APBA1: variants seen among roughly 807,000 people sequenced by gnomAD.
APBA1 encodes amyloid beta precursor protein binding family A member 1.
A neutral mutation model predicts 86.6 loss-of-function variants in APBA1; 55 were observed. The observed-to-expected ratio is 0.64, with a 90% CI of 0.51 to 0.80. The LOEUF is 0.80. Among genes scored for constraint, APBA1 ranks in the 30% least tolerant of loss-of-function variants. The pLI, the probability that APBA1 is intolerant of heterozygous loss-of-function variation, is 0.00. For synonymous variants in APBA1, 511 were observed against 493.9 expected, an observed-to-expected ratio of 1.03 and a Z score of -0.46; for missense variants, 1,090 against 1,183.0, an observed-to-expected ratio of 0.92 and a Z score of 1.15.
chr9:69,573,039 A>T (rs1837141332), intron 1 of APBA1, among the ~76,000 whole-genome samples: 1 of 151,172 alleles, frequency 6.6e-6, no homozygotes, highest in South Asian at 2.1e-4. Context: ...GTGCACCTGT[A>T]CTCCCAGCTG....
intron 2 of APBA1, among the ~76,000 whole-genome samples, chr9:69,484,029 G>A (rs961331065): frequency 7.2e-5 from 11 of 152,008 alleles, no homozygotes; most frequent in African/African-American, 1.7e-4. Flanking sequence ...GGATATGTAC[G>A]ATTCTATTTT....
In APBA1 at chr9:69,586,283, G is replaced by T. The variant is rs115774638; in HGVS notation, c.-69-69004C>A. Among the ~76,000 whole-genome samples the T allele has an allele frequency of 7.1e-3, 1,075 of 152,282 alleles. 13 individuals are homozygous for T. The highest frequency in any genetic ancestry group is 0.025 in the African/African-American group (1,020 of 41,548). On this transcript the variant is annotated intron_variant, in intron 1 of 12. Transcript: ENST00000265381. The stretch of plus-strand genomic sequence containing the variant: ...CCCCTTACTGTATACAAGCAGCTCA[G>T]AATCAGATCTCCCTATATTATGCTG...
At chr9:69,662,025 C>G in intron 1 of APBA1, among the ~76,000 whole-genome samples, 1 of 33,414 alleles carries the variant, frequency 3.0e-5, no homozygotes, top group Non-Finnish European at 7.1e-5. Context: ...AACAGTAACA[C>G]ACACACACAC....
At chr9:69,657,547 T>G (rs1823636591) in intron 1 of APBA1, among the ~76,000 whole-genome samples, 1 of 152,244 alleles carries the variant, frequency 6.6e-6, no homozygotes, top group Non-Finnish European at 1.5e-5. Flanking sequence ...CATTAGCCAC[T>G]GGCTGACATT....
At chr9:69,655,079 G>A (rs1347816327) in intron 1 of APBA1, among the ~76,000 whole-genome samples, 1 of 152,140 alleles carries the variant, frequency 6.6e-6, no homozygotes, top group Non-Finnish European at 1.5e-5. Context: ...CAAAGGCCAC[G>A]TATGACAAAC....
At chr9:69,499,726 T>A (rs1388159963) in intron 2 of APBA1, among the ~76,000 whole-genome samples, 1 of 149,774 alleles carries the variant, frequency 6.7e-6, no homozygotes, top group Non-Finnish European at 1.5e-5. Context: ...GAGGGTAACA[T>A]CAAGGCAATC....
chr9:69,496,365 A>G (rs1322226024), intron 2 of APBA1, among the ~76,000 whole-genome samples: 2 of 152,126 alleles, frequency 1.3e-5, no homozygotes, highest in Non-Finnish European at 2.9e-5. Flanking sequence ...CTGATTGGCT[A>G]ATGTGCTATG....
intron 10 of APBA1, among the ~76,000 whole-genome samples, chr9:69,444,856 G>A (rs1399591488): frequency 2.0e-5 from 3 of 152,164 alleles, no homozygotes; most frequent in Non-Finnish European, 4.4e-5. Flanking sequence ...CACCCTCTCC[G>A]GGGCTGGATA....
chr9:69,627,411 TG>T (rs1004953925), intron 1 of APBA1, among the ~76,000 whole-genome samples: 1 of 152,118 alleles, frequency 6.6e-6, no homozygotes, highest in Admixed American at 6.5e-5. Flanking sequence ...CTGGCTTGCA[TG>T]GGAAGGCAGA....
chr9:69,475,924 A>T, intron 3 of APBA1, 124 bp downstream of exon 3: 1 of 767,028 alleles, frequency 1.3e-6, no homozygotes, highest in Non-Finnish European at 2.3e-6. Context: ...AGGAGAAATC[A>T]GGATTGTTCT....
At chr9:69,467,503 C>T (rs942534070) in intron 5 of APBA1, among the ~76,000 whole-genome samples, 2 of 152,206 alleles carry the variant, frequency 1.3e-5, no homozygotes, top group African/African-American at 4.8e-5. Context: ...TCCAGTGGTA[C>T]ATGTCTTGCA....
chr9:69,567,720 G>A (rs143617731), intron 1 of APBA1, among the ~76,000 whole-genome samples: 1 of 152,244 alleles, frequency 6.6e-6, no homozygotes, highest in Non-Finnish European at 1.5e-5. Flanking sequence ...TCTGACTAAT[G>A]CAGGGTTTCC....
intron 2 of APBA1, among the ~76,000 whole-genome samples, chr9:69,491,461 G>T (rs1364623512): frequency 6.6e-6 from 1 of 151,944 alleles, no homozygotes; most frequent in Non-Finnish European, 1.5e-5. Context: ...GTCATGGGGT[G>T]GGGGGAGGTG....
intron 1 of APBA1, among the ~76,000 whole-genome samples, chr9:69,651,673 G>A (rs774741499): frequency 1.6e-4 from 25 of 151,996 alleles, no homozygotes; most frequent in Non-Finnish European, 2.5e-4. Context: ...ACGGGGTTTC[G>A]CCATGTTGGC....
At chr9:69,545,406 A>G (rs769117040) in intron 1 of APBA1, among the ~76,000 whole-genome samples, 9 of 152,184 alleles carry the variant, frequency 5.9e-5, no homozygotes, top group Non-Finnish European at 1.3e-4. Context: ...ACACTTCCCA[A>G]TTCTTTATAT....
chr9:69,460,281 G>T (rs1835168824), intron 5 of APBA1, among the ~76,000 whole-genome samples: 1 of 152,160 alleles, frequency 6.6e-6, no homozygotes, highest in African/African-American at 2.4e-5. Context: ...AGTCTGCTCT[G>T]AAAAAGTTTG....
chr9:69,458,625 G>A (rs763842628), intron 5 of APBA1, among the ~76,000 whole-genome samples: 1 of 152,102 alleles, frequency 6.6e-6, no homozygotes, highest in Non-Finnish European at 1.5e-5. Flanking sequence ...GATATGCAAA[G>A]CTATGAATCT....
At chr9:69,657,423 A>T (rs1428302462) in intron 1 of APBA1, among the ~76,000 whole-genome samples, 1 of 152,236 alleles carries the variant, frequency 6.6e-6, no homozygotes, top group Non-Finnish European at 1.5e-5. Context: ...TGATGTGATG[A>T]CATGGGAACC....
At chr9:69,515,428 T>C (rs1481030759) in intron 2 of APBA1, among the ~76,000 whole-genome samples, 1 of 151,992 alleles carries the variant, frequency 6.6e-6, no homozygotes, top group East Asian at 1.9e-4. Context: ...CACTTTCACA[T>C]ACCCTATTCT....
Sources: gnomAD v4.1 joint callset for allele counts (sites outside exome capture counted in the v4.1 genomes callset) on GRCh38, gnomAD v4.1.1 for gene constraint, MANE v1.5 for transcripts, NCBI Gene and HGNC (gene_info 2026-07-23, HGNC 2026-07-21) for gene names.